The following SH3TC2 variants were observed in gnomAD, a reference collection of about 807,000 sequenced individuals.
SH3TC2 encodes the protein SH3 domain and tetratricopeptide repeats 2.
A neutral mutation model predicts 124.5 loss-of-function variants in SH3TC2; 87 were observed. The observed-to-expected ratio is 0.70, with a 90% confidence interval of 0.59 to 0.84. The LOEUF (loss-of-function observed/expected upper bound fraction) is 0.84. Among genes scored for constraint, SH3TC2 ranks in the 40% least tolerant of loss-of-function variants. The pLI is 0.00. For synonymous variants in SH3TC2, 634 were observed against 628.5 expected, an observed-to-expected ratio of 1.01 and a Z score of -0.13; for missense variants, 1,536 against 1,566.4, an observed-to-expected ratio of 0.98 and a Z score of 0.33.
rs949229292 is a variant in SH3TC2, at chr5:149,012,813, G to A, written c.3054-79C>T. On this transcript the variant is annotated intron_variant, in intron 12 of 16. Transcript: ENST00000515425. ...CCACTCAGCACAGGATGAAACAGAAGCTCTGAGCAGGAACAGCCATGTCCC... is the reference window on the plus strand; with the variant it reads ...CCACTCAGCACAGGATGAAACAGAAACTCTGAGCAGGAACAGCCATGTCCC... The A allele has an allele frequency of 3.9e-6, 6 of 1,526,112 alleles. No homozygotes were observed. In the East Asian group the frequency reaches 1.4e-4, roughly 35 times the overall value. 94.5% of individuals were successfully genotyped at this position (1,526,112 alleles called of 1,614,324 possible). A position where few individuals can be genotyped will look rare whatever the true frequency, so the allele number is the denominator to read the frequency against.
At position 149,047,761 on chromosome 5, in the gene SH3TC2, G is replaced by A. The variant is rs77336339; in HGVS notation, c.279+101C>T. ...AGTCTACCTATTAGATGTTTTTTCC[G>A]AGGACCTACTTTGTTCCAGATGCTG... On this transcript the variant is annotated intron_variant, in intron 3 of 16. Coordinates refer to ENST00000515425, the MANE Select transcript of SH3TC2 (RefSeq NM_024577.4). The A allele has an allele frequency of 1.7e-3, 2,496 of 1,486,180 alleles. 30 individuals carry two copies. The African/African-American group carries it at 0.03, about 18-fold the overall frequency. The allele number at this position is 1,486,180 out of a possible 1,614,324, so 92.1% of individuals were successfully genotyped here.
rs1246797643 is a variant in SH3TC2 at position 149,004,746 on chromosome 5, C to A, written c.3832G>T (p.Ala1278Ser). ...SRPSGCSSERARWLSGGGLAL is the reference protein window; with the variant it reads ...SRPSGCSSERSRWLSGGGLAL ...AGGCCACCACCACTCAGCCACCGCGCCCTCTCTGAGGAGCACCCGGAGGGC... is the reference window on the plus strand; with the variant it reads ...AGGCCACCACCACTCAGCCACCGCGACCTCTCTGAGGAGCACCCGGAGGGC... The change falls in exon 17 of 17, where the codon GCG becomes TCG. Residue 1278 changes from alanine (A) to serine (S), a missense_variant. Ala to Ser is a moderately conservative substitution (Grantham distance 99, BLOSUM62 1). This residue lies in a region of SH3TC2 where 426 missense variants were observed against 443.5 expected (regional missense o/e 0.96). Transcript: ENST00000515425. 1 of 1,613,902 alleles carries A rather than the reference C, an allele frequency of 6.2e-7. No individual in the cohort carries two copies.
intron 12 of SH3TC2, among the ~76,000 whole-genome samples, chr5:149,020,112 A>AC (rs1406542316): frequency 1.2e-4 from 11 of 93,722 alleles, no homozygotes; most frequent in South Asian, 4.8e-4. Flanking sequence ...AGAAAAGGTC[A>AC]AACACACACA....
chr5:149,048,349 G>T (rs1459905547), intron 2 of SH3TC2, among the ~76,000 whole-genome samples: 2 of 152,232 alleles, frequency 1.3e-5, no homozygotes, highest in African/African-American at 4.8e-5. Flanking sequence ...TGAAAGTTTA[G>T]AATCAATAGG....
chr5:149,004,413 T>C lies in SH3TC2; in HGVS notation c.*298A>G, dbSNP rs1215506727. ...CTCCTGGAGGGCAAGATCCCTCATC[T>C]TCTCCAGAATTATGTATGGAGAAAG... is the stretch of plus-strand genomic sequence containing the variant. On this transcript the variant is annotated 3_prime_UTR_variant, in exon 17 of 17. Transcript: ENST00000515425. The C allele has an allele frequency of 1.0e-5, 4 of 383,492 alleles. No individual in the cohort carries two copies. The Admixed American group carries it at 1.3e-4, about 12-fold the overall frequency. The allele number at this position is 383,492 out of a possible 1,614,324, so 23.8% of individuals were successfully genotyped here.
At chr5:149,025,333 G>C (rs908750710) in intron 12 of SH3TC2, among the ~76,000 whole-genome samples, 7 of 152,202 alleles carry the variant, frequency 4.6e-5, no homozygotes, top group African/African-American at 1.7e-4. Flanking sequence ...AAGAGAAAGA[G>C]AAGGGGGAGT....
rs1289351169 is a variant in SH3TC2, at chr5:148,988,070, A to C, written c.*16641T>G. ...TGGAGACAGAGAAGGTGACTTACCT[A>C]ATATTTTTCCTGCATGTCTTAAGGA... On this transcript the variant is annotated 3_prime_UTR_variant, in exon 17 of 17. Coordinates refer to ENST00000515425, the MANE Select transcript of SH3TC2 (RefSeq NM_024577.4). 1.3e-5 allele frequency among the ~76,000 whole-genome samples: 2 copies of C among 152,088 alleles called. No homozygotes were observed. The highest frequency in any genetic ancestry group is 2.9e-5 in the Non-Finnish European group (2 of 68,018).
chr5:149,026,463 A>G (rs978398266), intron 12 of SH3TC2, 109 bp downstream of exon 12: 19 of 1,380,142 alleles, frequency 1.4e-5, no homozygotes, highest in Non-Finnish European at 9.2e-6. Context: ...CTTTTGCACA[A>G]AGCCCCGCCT....
chr5:149,049,020 C>A (rs568381327), intron 2 of SH3TC2, among the ~76,000 whole-genome samples: 1 of 152,214 alleles, frequency 6.6e-6, no homozygotes. Context: ...AATTCCTCAG[C>A]ACATTAGAGA....
intron 8 of SH3TC2, among the ~76,000 whole-genome samples, chr5:149,033,582 C>T (rs1403511003): frequency 6.6e-6 from 1 of 152,142 alleles, no homozygotes; most frequent in Non-Finnish European, 1.5e-5. Flanking sequence ...ACCCCAAGGA[C>T]AGGAGATGTG....
intron 8 of SH3TC2, among the ~76,000 whole-genome samples, chr5:149,037,109 G>T (rs1193492002): frequency 6.6e-6 from 1 of 152,162 alleles, no homozygotes; most frequent in East Asian, 1.9e-4. Flanking sequence ...GGTTTCCAGA[G>T]CATGGACCCA....
chr5:149,006,051 G>A (rs77114905), intron 16 of SH3TC2: 25,690 of 152,288 alleles, frequency 0.17, 2,521 homozygotes, highest in East Asian at 0.24. Context: ...GATTGCTTGA[G>A]TCCAGCAGTT....
rs1210963005 is a variant in SH3TC2 at position 148,994,230 on chromosome 5, C to A, written c.*10481G>T. On this transcript the variant is annotated 3_prime_UTR_variant, in exon 17 of 17. Coordinates refer to ENST00000515425, the MANE Select transcript of SH3TC2 (RefSeq NM_024577.4). ...GTGTCCTGAAGCTGCCACTCTCTAT[C>A]TACAGGACTTTGGGTAAGATTAATC... Among the ~76,000 whole-genome samples, 2 of 152,230 alleles carry A rather than the reference C, an allele frequency of 1.3e-5. No individual in the cohort carries two copies. Among genetic ancestry groups the A allele is most frequent in the African/African-American group, 4.8e-5 (2 of 41,462 alleles).
At chr5:149,043,149 G>T (rs1028115989) in intron 4 of SH3TC2, among the ~76,000 whole-genome samples, 14 of 152,266 alleles carry the variant, frequency 9.2e-5, no homozygotes, top group African/African-American at 1.7e-4. Flanking sequence ...AGCCACGGAG[G>T]TCTCCAAGTT....
intron 1 of SH3TC2, among the ~76,000 whole-genome samples, chr5:149,055,763 A>G (rs1301186685): frequency 6.6e-6 from 1 of 152,190 alleles, no homozygotes; most frequent in Non-Finnish European, 1.5e-5. Context: ...CAAGTAAATG[A>G]TGTATATATA....
At chr5:149,017,356 C>T (rs1160326795) in intron 12 of SH3TC2, among the ~76,000 whole-genome samples, 4 of 152,146 alleles carry the variant, frequency 2.6e-5, no homozygotes, top group Admixed American at 2.6e-4. Flanking sequence ...AAGATCCCTC[C>T]CATTGAGAGA....
Position 148,985,396 on chromosome 5 carries a change from A to G in SH3TC2, c.*19315T>C, listed in dbSNP as rs1393124103. Among the ~76,000 whole-genome samples the G allele has an allele frequency of 5.3e-5, 8 of 152,058 alleles. No individual in the cohort carries two copies. The highest frequency in any genetic ancestry group is 6.6e-5 in the Admixed American group (1 of 15,252). ...TCTTTTTTCATCAATTCTTCCTCCAACTCACAGCACAGATCTGTTTGCTGA... is the reference window on the plus strand; with the variant it reads ...TCTTTTTTCATCAATTCTTCCTCCAGCTCACAGCACAGATCTGTTTGCTGA... On this transcript the variant is annotated 3_prime_UTR_variant, in exon 17 of 17. Coordinates refer to ENST00000515425, the MANE Select transcript of SH3TC2 (RefSeq NM_024577.4).
In SH3TC2 at chr5:148,994,315, T is replaced by C. The variant is rs1753468192; in HGVS notation, c.*10396A>G. Among the ~76,000 whole-genome samples the C allele has an allele frequency of 6.6e-6, 1 of 152,242 alleles. No homozygotes were observed. The highest frequency in any genetic ancestry group is 6.5e-5 in the Admixed American group (1 of 15,294). On this transcript the variant is annotated 3_prime_UTR_variant, in exon 17 of 17. Coordinates refer to ENST00000515425, the MANE Select transcript of SH3TC2 (RefSeq NM_024577.4). ...TTATGTGAATAACTATACAATGCAA[T>C]TACTTCTTGCAGGTAGGAGAAATTA...
rs577038526 is a variant in SH3TC2 at position 148,993,479 on chromosome 5, T to C, written c.*11232A>G. Among the ~76,000 whole-genome samples, 7 of 152,338 alleles carry C rather than the reference T, an allele frequency of 4.6e-5. No individual in the cohort carries two copies. The highest frequency in any genetic ancestry group is 1.4e-4 in the African/African-American group (6 of 41,566). ...AACATTTATCTTGGAGTAAAAATGA[T>C]TGAGTAAGCATTAATTAAGAAAATA... On this transcript the variant is annotated 3_prime_UTR_variant, in exon 17 of 17. Coordinates refer to ENST00000515425, the MANE Select transcript of SH3TC2 (RefSeq NM_024577.4).
Sources: gnomAD v4.1 joint callset for allele counts (sites outside exome capture counted in the v4.1 genomes callset) on GRCh38, gnomAD v4.1.1 for gene constraint, gnomAD v4.1.1 regional missense constraint, MANE v1.5 for transcripts, NCBI Gene and HGNC (gene_info 2026-07-23, HGNC 2026-07-21) for gene names.